TMEFF1: variants seen among roughly 807,000 people sequenced by gnomAD.
TMEFF1 encodes the protein transmembrane protein with EGF like and two follistatin like domains 1.
Under a neutral mutation model 47.5 loss-of-function variants are expected in TMEFF1, and 20 were observed. The ratio of observed to expected loss-of-function variants is 0.42; its 90% CI spans 0.30 to 0.61. TMEFF1 has a LOEUF of 0.61. TMEFF1 is among the 20% of genes least tolerant of loss of function. TMEFF1 has a pLI of 0.19. For synonymous variants in TMEFF1, 162 were observed against 166.3 expected (o/e 0.97, Z 0.20); for missense variants, 411 against 471.1 (o/e 0.87, Z 1.18).
intron 2 of TMEFF1, 61 bp downstream of exon 2, chr9:100,498,935 T>TATAAAAC: frequency 6.4e-7 from 1 of 1,551,050 alleles, no homozygotes; most frequent in Non-Finnish European, 8.7e-7. Context: ...AATTCTAAAT[T>TATAAAAC]CTTCAAATTA....
intron 5 of TMEFF1, among the ~76,000 whole-genome samples, chr9:100,522,430 C>CTTTTTTTTTTTTTT (rs869111876): frequency 1.4e-5 from 1 of 69,642 alleles, no homozygotes; most frequent in African/African-American, 5.5e-5. Context: ...GAAATATCTT[C>CTTTTTTTTTTTTTT]TTTTTTTTTT....
intron 5 of TMEFF1, among the ~76,000 whole-genome samples, chr9:100,528,998 A>G (rs1350149322): frequency 1.1e-3 from 169 of 148,636 alleles, no homozygotes; most frequent in Non-Finnish European, 2.2e-3. Context: ...ACTAAGCTTC[A>G]TAAGTGAAGG....
At chr9:100,548,458 G>A (rs10989151) in intron 6 of TMEFF1, among the ~76,000 whole-genome samples, 7,689 of 152,134 alleles carry the variant, frequency 0.051, 389 homozygotes, top group South Asian at 0.22. Context: ...TACCATATAA[G>A]AAAGAGTTTT....
chr9:100,520,813 A>G (rs1838148626), intron 5 of TMEFF1, among the ~76,000 whole-genome samples: 1 of 152,236 alleles, frequency 6.6e-6, no homozygotes, highest in African/African-American at 2.4e-5. Flanking sequence ...GAGAACCAGA[A>G]CATAGGTCTC....
intron 5 of TMEFF1, among the ~76,000 whole-genome samples, chr9:100,519,811 C>A (rs1181433649): frequency 1.3e-5 from 2 of 151,930 alleles, no homozygotes; most frequent in Non-Finnish European, 2.9e-5. Flanking sequence ...AAATCAAATG[C>A]CTATTTATTG....
chr9:100,531,312 C>T lies in TMEFF1; in HGVS notation c.560+14541C>T, dbSNP rs754960773. ...AAGTCAAATTGTCCCTGTTTGCAGACGACATGATTGTATATCTAGAAAACC... is the reference window on the plus strand; with the variant it reads ...AAGTCAAATTGTCCCTGTTTGCAGATGACATGATTGTATATCTAGAAAACC... On this transcript the variant is annotated intron_variant, in intron 5 of 9. Coordinates refer to ENST00000374879, the MANE Select transcript of TMEFF1 (RefSeq NM_003692.5). Among the ~76,000 whole-genome samples the T allele has an allele frequency of 6.4e-4, 98 of 152,142 alleles. 1 individual carries two copies. Among genetic ancestry groups the T allele is most frequent in the Non-Finnish European group, 5.3e-4 (36 of 68,000 alleles).
chr9:100,525,231 C>A (rs544832346), intron 5 of TMEFF1, among the ~76,000 whole-genome samples: 2 of 152,120 alleles, frequency 1.3e-5, no homozygotes, highest in Non-Finnish European at 2.9e-5. Flanking sequence ...TAAATTCTGA[C>A]AGTAACTACT....
Position 100,513,289 on chromosome 9 carries a change from C to T in TMEFF1, c.437-18C>T. On this transcript the variant is annotated intron_variant, in intron 3 of 9. Transcript: ENST00000374879. ...TCCGGGAAAAATGTTCATATTCATT[C>T]TTTGTTTTTCTTCTCAGATAATGGA... is the stretch of plus-strand genomic sequence containing the variant. 6.3e-7 allele frequency: 1 copy of T among 1,583,910 alleles called. No homozygotes were observed. Among genetic ancestry groups the T allele is most frequent in the Non-Finnish European group, 8.6e-7 (1 of 1,169,006 alleles).
At chr9:100,559,750 C>A (rs376573733) in intron 7 of TMEFF1, among the ~76,000 whole-genome samples, 1 of 152,006 alleles carries the variant, frequency 6.6e-6, no homozygotes, top group African/African-American at 2.4e-5. Context: ...GTGATTTGAA[C>A]GAGGTCACAA....
rs571441270 is a variant in TMEFF1, at chr9:100,513,397, T to C, written c.463+64T>C. 824 of 1,487,666 alleles carry C rather than the reference T, an allele frequency of 5.5e-4. 3 individuals carry two copies. The highest frequency in any genetic ancestry group is 3.4e-3 in the South Asian group (252 of 74,576). The allele number at this position is 1,487,666 out of a possible 1,614,324, so 92.2% of individuals were successfully genotyped here. A position where few individuals can be genotyped will look rare whatever the true frequency, so the allele number is the denominator to read the frequency against. The stretch of plus-strand genomic sequence containing the variant: ...TTTCTTTCTTTCTTTCTTTTTCTTT[T>C]TTTTTTTTTTTTTAAATCAGCTTTG... On this transcript the variant is annotated intron_variant, in intron 4 of 9. Coordinates refer to ENST00000374879, the MANE Select transcript of TMEFF1 (RefSeq NM_003692.5).
At chr9:100,527,041 G>T (rs989053710) in intron 5 of TMEFF1, among the ~76,000 whole-genome samples, 6 of 151,236 alleles carry the variant, frequency 4.0e-5, no homozygotes, top group Admixed American at 3.3e-4. Context: ...TACTCTGGAG[G>T]CTGAGACACA....
chr9:100,561,468 T>G lies in TMEFF1; in HGVS notation c.847T>G (p.Cys283Gly), dbSNP rs781635128. 6.2e-7 allele frequency: 1 copy of G among 1,613,984 alleles called. No individual in the cohort carries two copies. The highest frequency in any genetic ancestry group is 8.5e-7 in the Non-Finnish European group (1 of 1,179,888). The part of the protein sequence containing the change: ...MPCPENLNGY[C>G]IHGKCEFIYS... ...TTGCCCTGAAAACCTCAATGGTTAC[T>G]GCATCCATGGAAAATGTGAATTCAT... The change falls in exon 8 of 10, where the codon TGC becomes GGC. Residue 283 changes from cysteine (C) to glycine (G), a missense_variant. Cys to Gly is a radical substitution (Grantham distance 159). Transcript: ENST00000374879.
At chr9:100,538,896 A>C (rs1463482882) in intron 5 of TMEFF1, among the ~76,000 whole-genome samples, 1 of 151,600 alleles carries the variant, frequency 6.6e-6, no homozygotes, top group African/African-American at 2.4e-5. Flanking sequence ...TCTGGTATAC[A>C]CGAGTAGGAG....
chr9:100,548,993 A>G (rs753545602), intron 6 of TMEFF1, among the ~76,000 whole-genome samples: 1 of 152,102 alleles, frequency 6.6e-6, no homozygotes, highest in Non-Finnish European at 1.5e-5. Context: ...GAGAAGGACT[A>G]TGTTCTCTGA....
intron 1 of TMEFF1, among the ~76,000 whole-genome samples, chr9:100,498,385 A>C (rs1427415954): frequency 6.6e-6 from 1 of 152,176 alleles, no homozygotes; most frequent in Non-Finnish European, 1.5e-5. Flanking sequence ...GTTAATTCTC[A>C]TTAGCCTTAA....
At chr9:100,560,660 T>G (rs1232992368) in intron 7 of TMEFF1, among the ~76,000 whole-genome samples, 2 of 152,162 alleles carry the variant, frequency 1.3e-5, no homozygotes, top group Admixed American at 1.3e-4. Flanking sequence ...CCTTCCTGAC[T>G]CTCTTCATTT....
chr9:100,539,261 C>A (rs1222603304), intron 5 of TMEFF1, among the ~76,000 whole-genome samples: 2 of 152,160 alleles, frequency 1.3e-5, no homozygotes, highest in African/African-American at 4.8e-5. Context: ...TGGGCGTGTG[C>A]AAGTCTAGTT....
chr9:100,509,268 A>G, intron 3 of TMEFF1, 134 bp downstream of exon 3: 1 of 1,264,066 alleles, frequency 7.9e-7, no homozygotes, highest in Non-Finnish European at 1.0e-6. Flanking sequence ...AGTAGGGGAA[A>G]TCTTTTTTGC....
intron 9 of TMEFF1, among the ~76,000 whole-genome samples, chr9:100,576,275 T>C (rs935556936): frequency 2.6e-5 from 4 of 152,182 alleles, no homozygotes; most frequent in Non-Finnish European, 5.9e-5. Flanking sequence ...GTTTTGCTTG[T>C]GCCAGTACCT....
Sources: allele counts gnomAD v4.1 joint callset (sites outside exome capture counted in the v4.1 genomes callset), GRCh38; gene constraint gnomAD v4.1.1; transcripts MANE v1.5; gene names NCBI Gene and HGNC (gene_info 2026-07-23, HGNC 2026-07-21).